The following AP4E1 variants were observed in gnomAD, a reference collection of about 807,000 sequenced individuals.
AP4E1 encodes adaptor related protein complex 4 subunit epsilon 1.
Under a neutral mutation model 128.2 loss-of-function variants are expected in AP4E1, and 56 were observed. That is an observed-to-expected ratio of 0.44 (90% confidence interval 0.35 to 0.55). The LOEUF (loss-of-function observed/expected upper bound fraction) is 0.55. Among genes scored for constraint, AP4E1 ranks in the 20% least tolerant of loss-of-function variants. The pLI, the probability that AP4E1 is intolerant of heterozygous loss-of-function variation, is 0.00. For missense variants in AP4E1, 1,324 were observed against 1,307.7 expected, an observed-to-expected ratio of 1.01 and a Z score of -0.19; for synonymous variants, 484 against 473.1, an observed-to-expected ratio of 1.02 and a Z score of -0.30.
At chr15:50,992,391 A>G (rs2064818149) in intron 16 of AP4E1, among the ~76,000 whole-genome samples, 1 of 152,152 alleles carries the variant, frequency 6.6e-6, no homozygotes, top group Admixed American at 6.5e-5. Context: ...TATGTATTTA[A>G]GGTGTGCTAT....
chr15:50,954,880 T>C (rs1277916471), intron 13 of AP4E1, among the ~76,000 whole-genome samples: 1 of 152,206 alleles, frequency 6.6e-6, no homozygotes, highest in East Asian at 1.9e-4. Flanking sequence ...GTGTGTGATA[T>C]TCCCCTTCCT....
intron 18 of AP4E1, 152 bp downstream of exon 18, chr15:50,998,035 A>G (rs1162130498): frequency 2.1e-5 from 13 of 633,398 alleles, no homozygotes; most frequent in Non-Finnish European, 3.5e-5. Flanking sequence ...GAGTAAGGAT[A>G]TTGAAGAATA....
At chr15:50,928,930 A>G (rs903583226) in intron 5 of AP4E1, 79 bp from the exon 6 acceptor site, 2 of 1,393,754 alleles carry the variant, frequency 1.4e-6, no homozygotes. Flanking sequence ...GTATTTTGAA[A>G]TCATCTGGCC....
intron 15 of AP4E1, among the ~76,000 whole-genome samples, chr15:50,973,204 T>G (rs1596495771): frequency 6.6e-6 from 1 of 152,184 alleles, no homozygotes; most frequent in East Asian, 1.9e-4. Context: ...TTTCTTTTTT[T>G]TCCTATTTGT....
At position 51,005,577 on chromosome 15, in the gene AP4E1, G is replaced by T. The variant is rs2065009102; in HGVS notation, c.*2915G>T. 1 of 152,470 alleles carries T rather than the reference G, an allele frequency of 6.6e-6. No homozygotes were observed. The highest frequency in any genetic ancestry group is 6.6e-5 in the Admixed American group (1 of 15,262). 9.4% of individuals were successfully genotyped at this position (152,470 alleles called of 1,614,324 possible). ...GTAGAGGAGCATTATTTTAAACAAT[G>T]TTCTACTATCATCTACCAAAATAAT... On this transcript the variant is annotated 3_prime_UTR_variant, in exon 21 of 21. Coordinates refer to ENST00000261842, the MANE Select transcript of AP4E1 (RefSeq NM_007347.5).
At chr15:50,970,832 T>C (rs1259199391) in intron 15 of AP4E1, among the ~76,000 whole-genome samples, 1 of 152,198 alleles carries the variant, frequency 6.6e-6, no homozygotes, top group Non-Finnish European at 1.5e-5. Flanking sequence ...CTGTATCTTT[T>C]AAGTGGGGGA....
chr15:50,978,745 TTCC>T (rs1273036787), intron 15 of AP4E1, among the ~76,000 whole-genome samples: 1 of 152,226 alleles, frequency 6.6e-6, no homozygotes, highest in Admixed American at 6.5e-5. Context: ...AGCCGTCTTC[TTCC>T]TTCTCTTGGT....
At chr15:50,917,989 A>G (rs2663555) in intron 3 of AP4E1, 79,097 of 152,390 alleles carry the variant, frequency 0.52, 20,846 homozygotes, top group South Asian at 0.61. Context: ...AGTCCCAGCT[A>G]CTTGGGAGGT....
At chr15:50,931,433 G>A (rs2063834183) in intron 7 of AP4E1, among the ~76,000 whole-genome samples, 1 of 152,110 alleles carries the variant, frequency 6.6e-6, no homozygotes, top group South Asian at 2.1e-4. Flanking sequence ...GGGCACAGTG[G>A]CGCGCGCCTG....
chr15:50,967,596 T>A (rs981156631), intron 14 of AP4E1, among the ~76,000 whole-genome samples: 1 of 152,212 alleles, frequency 6.6e-6, no homozygotes, highest in African/African-American at 2.4e-5. Context: ...TATGTCTGTT[T>A]CTTCTGGTGG....
chr15:50,940,047 G>C (rs1395714982), intron 8 of AP4E1, among the ~76,000 whole-genome samples: 2 of 152,078 alleles, frequency 1.3e-5, no homozygotes, highest in Non-Finnish European at 2.9e-5. Context: ...GGATTTAGTG[G>C]CATTTTAAAA....
chr15:50,982,668 A>C (rs1188062512), intron 15 of AP4E1, among the ~76,000 whole-genome samples: 1 of 151,798 alleles, frequency 6.6e-6, no homozygotes, highest in African/African-American at 2.4e-5. Context: ...TGTCCAGAAC[A>C]CAGTTCTCCT....
intron 1 of AP4E1, 129 bp downstream of exon 1, chr15:50,909,057 G>C: frequency 7.0e-7 from 1 of 1,422,222 alleles, no homozygotes; most frequent in Non-Finnish European, 9.3e-7. Context: ...GGGCTGCTGT[G>C]TCGGTTCGTC....
At chr15:50,921,388 A>T (rs1379320366) in intron 3 of AP4E1, among the ~76,000 whole-genome samples, 1 of 151,448 alleles carries the variant, frequency 6.6e-6, no homozygotes, top group Non-Finnish European at 1.5e-5. Flanking sequence ...TTGTTCTGTC[A>T]CCCAGGCTGG....
Position 50,929,016 on chromosome 15 carries a change from G to A in AP4E1, c.550G>A (p.Val184Ile), listed in dbSNP as rs755029192. ...EDKLQHSKEI[V>I]RRKAVLALYK... ...TTCATTTTTTGTCTTCAGGGAGATT[G>A]TACGAAGAAAAGCTGTTCTGGCATT... Residue 184 changes from valine (V) to isoleucine (I), a missense_variant, in exon 6 of 21, where the codon GTA becomes ATA. By Grantham distance (29) the Val-to-Ile change is conservative. Coordinates refer to ENST00000261842, the MANE Select transcript of AP4E1 (RefSeq NM_007347.5). 2.5e-6 allele frequency: 4 copies of A among 1,613,740 alleles called. No individual in the cohort carries two copies. Among genetic ancestry groups the A allele is most frequent in the Non-Finnish European group, 3.4e-6 (4 of 1,179,824 alleles).
chr15:50,963,878 A>G (rs2140886979), intron 14 of AP4E1, among the ~76,000 whole-genome samples: 1 of 152,346 alleles, frequency 6.6e-6, no homozygotes, highest in East Asian at 1.9e-4. Flanking sequence ...ATTATTCTGT[A>G]TTAAAAGAGA....
intron 15 of AP4E1, among the ~76,000 whole-genome samples, chr15:50,979,550 A>G (rs918108389): frequency 6.6e-6 from 1 of 151,984 alleles, no homozygotes; most frequent in Non-Finnish European, 1.5e-5. Flanking sequence ...TTTGAGGCGG[A>G]GTTTCACTCT....
At chr15:50,992,231 A>G (rs1373142277) in intron 16 of AP4E1, among the ~76,000 whole-genome samples, 1 of 152,164 alleles carries the variant, frequency 6.6e-6, no homozygotes. Context: ...TAGTCTATGT[A>G]TTAATTGACT....
rs561645313 is a variant in AP4E1 at position 50,910,420 on chromosome 15, C to G, written c.150+1492C>G. On this transcript the variant is annotated intron_variant, in intron 1 of 20. Coordinates refer to ENST00000261842, the MANE Select transcript of AP4E1 (RefSeq NM_007347.5). ...TTATGGAACAAGGTTATGTGTTAGA[C>G]ACAGGAAAATAGAATTAAACACATT... Among the ~76,000 whole-genome samples the G allele has an allele frequency of 5.3e-5, 8 of 152,288 alleles. No homozygotes were observed. In the South Asian group the frequency reaches 1.4e-3, roughly 28 times the overall value.
Sources: allele counts gnomAD v4.1 joint callset (sites outside exome capture counted in the v4.1 genomes callset), GRCh38; gene constraint gnomAD v4.1.1; transcripts MANE v1.5; gene names NCBI Gene and HGNC (gene_info 2026-07-23, HGNC 2026-07-21).